The following LUZP2 variants were observed in gnomAD, a reference collection of about 807,000 sequenced individuals.
LUZP2 encodes leucine zipper protein 2.
Under a neutral mutation model 51.6 loss-of-function variants are expected in LUZP2, and 52 were observed. The ratio of observed to expected loss-of-function variants is 1.01; its 90% CI spans 0.81 to 1.27. The LOEUF is 1.27. Ranked by LOEUF, LUZP2 falls within the 50% of genes most tolerant of loss-of-function variation. LUZP2 has a pLI of 0.00. For missense variants in LUZP2, 436 were observed against 395.4 expected (o/e 1.10, Z -0.87); for synonymous variants, 154 against 137.3 (o/e 1.12, Z -0.85).
At chr11:24,602,717 A>T (rs1853779968) in intron 1 of LUZP2, among the ~76,000 whole-genome samples, 1 of 151,662 alleles carries the variant, frequency 6.6e-6, no homozygotes, top group Admixed American at 6.6e-5. Context: ...TATTATTGAA[A>T]ACGCCAAACT....
intron 1 of LUZP2, among the ~76,000 whole-genome samples, chr11:24,720,157 G>T (rs1054399558): frequency 2.6e-5 from 4 of 151,940 alleles, no homozygotes; most frequent in Non-Finnish European, 1.5e-5. Context: ...TCCCACAAAG[G>T]ATTTGCAGGC....
chr11:25,064,731 A>G (rs183397906), intron 10 of LUZP2, among the ~76,000 whole-genome samples: 590 of 152,052 alleles, frequency 3.9e-3, no homozygotes, highest in Middle Eastern at 0.01. Flanking sequence ...AATTTAAGAC[A>G]TGTTCTTTCC....
chr11:24,513,688 C>T (rs930989908), intron 1 of LUZP2, among the ~76,000 whole-genome samples: 2 of 152,172 alleles, frequency 1.3e-5, no homozygotes, highest in Admixed American at 1.3e-4. Context: ...GCACTATACT[C>T]TGATTCTAAA....
intron 1 of LUZP2, among the ~76,000 whole-genome samples, chr11:24,567,295 A>G (rs1212604581): frequency 2.6e-5 from 4 of 152,052 alleles, no homozygotes; most frequent in Admixed American, 6.6e-5. Flanking sequence ...CAATCTTAAT[A>G]ATAGAGAAGA....
intron 1 of LUZP2, among the ~76,000 whole-genome samples, chr11:24,507,639 C>T (rs532977130): frequency 1.3e-5 from 2 of 152,026 alleles, no homozygotes; most frequent in South Asian, 4.1e-4. Context: ...TCTCTCCCTC[C>T]CTAGCTTTTA....
chr11:24,856,288 C>G (rs2200531), intron 5 of LUZP2, among the ~76,000 whole-genome samples: 17,885 of 151,904 alleles, frequency 0.12, 1,245 homozygotes, highest in South Asian at 0.19. Flanking sequence ...TATGAACAGA[C>G]TTTTTCAAAG....
intron 1 of LUZP2, among the ~76,000 whole-genome samples, chr11:24,507,357 G>T (rs1430822765): frequency 6.6e-6 from 1 of 152,028 alleles, no homozygotes; most frequent in African/African-American, 2.4e-5. Flanking sequence ...ATGGGAAGAT[G>T]TTGATGTTTT....
chr11:24,749,655 T>G (rs1325855980), intron 4 of LUZP2, among the ~76,000 whole-genome samples: 1 of 152,148 alleles, frequency 6.6e-6, no homozygotes, highest in Non-Finnish European at 1.5e-5. Context: ...TCAAAATTAT[T>G]TTTAGAAGTT....
intron 5 of LUZP2, among the ~76,000 whole-genome samples, chr11:24,806,514 G>A (rs545505279): frequency 6.6e-6 from 1 of 152,058 alleles, no homozygotes; most frequent in Non-Finnish European, 1.5e-5. Flanking sequence ...AAATCCAATT[G>A]CTTATTTTTA....
chr11:24,709,604 T>A (rs532095004), intron 1 of LUZP2, among the ~76,000 whole-genome samples: 1 of 152,270 alleles, frequency 6.6e-6, no homozygotes, highest in East Asian at 1.9e-4. Context: ...CCATTTCAAA[T>A]TTTCCAGGAA....
At chr11:24,866,509 T>C (rs1377032706) in intron 5 of LUZP2, among the ~76,000 whole-genome samples, 2 of 140,840 alleles carry the variant, frequency 1.4e-5, no homozygotes, top group African/African-American at 5.3e-5. Flanking sequence ...ACACATTTAG[T>C]AACATACATA....
chr11:24,865,798 G>A (rs201031984), intron 5 of LUZP2, among the ~76,000 whole-genome samples: 22 of 86,178 alleles, frequency 2.6e-4, no homozygotes, highest in Non-Finnish European at 3.5e-4. Flanking sequence ...GTGTGTGTGT[G>A]TATATATAAT....
At chr11:24,528,445 G>C (rs992814060) in intron 1 of LUZP2, among the ~76,000 whole-genome samples, 5 of 151,250 alleles carry the variant, frequency 3.3e-5, no homozygotes, top group African/African-American at 1.2e-4. Flanking sequence ...TGTTGTAAAT[G>C]CTGATGGCAC....
intron 1 of LUZP2, among the ~76,000 whole-genome samples, chr11:24,523,792 G>A (rs547021229): frequency 6.6e-6 from 1 of 151,686 alleles, no homozygotes; most frequent in South Asian, 2.1e-4. Context: ...TATTAATTTT[G>A]ATCCCAACAA....
chr11:24,912,423 A>G (rs1853662319), intron 6 of LUZP2, among the ~76,000 whole-genome samples: 1 of 152,130 alleles, frequency 6.6e-6, no homozygotes, highest in Admixed American at 6.6e-5. Flanking sequence ...CACTTGAATC[A>G]ATCATACTTA....
intron 9 of LUZP2, among the ~76,000 whole-genome samples, chr11:24,995,659 A>G (rs1447312619): frequency 2.6e-5 from 4 of 152,204 alleles, no homozygotes; most frequent in East Asian, 1.9e-4. Context: ...TCTAGCTGGC[A>G]TAGCTCAGAT....
chr11:24,639,165 A>G (rs1184416460), intron 1 of LUZP2, among the ~76,000 whole-genome samples: 12 of 151,738 alleles, frequency 7.9e-5, no homozygotes, highest in Admixed American at 5.9e-4. Flanking sequence ...TTTAGTTAAT[A>G]TATATTTTTC....
At chr11:24,906,630 A>G (rs1168090237) in intron 6 of LUZP2, among the ~76,000 whole-genome samples, 1 of 152,186 alleles carries the variant, frequency 6.6e-6, no homozygotes, top group Non-Finnish European at 1.5e-5. Flanking sequence ...TGTAATGTGA[A>G]AATGTAGCTC....
intron 4 of LUZP2, among the ~76,000 whole-genome samples, chr11:24,751,917 T>A (rs1252388709): frequency 1.3e-5 from 2 of 151,484 alleles, no homozygotes. Flanking sequence ...AAACAAAAAA[T>A]CATAAAAAAA....
Sources: gnomAD v4.1 joint callset for allele counts (sites outside exome capture counted in the v4.1 genomes callset) on GRCh38, gnomAD v4.1.1 for gene constraint, MANE v1.5 for transcripts, NCBI Gene and HGNC (gene_info 2026-07-23, HGNC 2026-07-21) for gene names.